Variants in C11orf65 observed in about 807,000 individuals in gnomAD.
C11orf65 encodes protein MFI.
A neutral mutation model predicts 35.3 loss-of-function variants in C11orf65; 38 were observed. That is an observed-to-expected ratio of 1.08 (90% CI 0.83 to 1.41). The LOEUF is 1.41. C11orf65 is among the 40% of genes most tolerant of loss of function. The pLI is 0.00. For missense variants in C11orf65, 370 were observed against 367.1 expected (o/e 1.01, Z -0.06); for synonymous variants, 105 against 114.4 (o/e 0.92, Z 0.53).
At chr11:108,395,856 C>T (rs1398651604) in intron 6 of C11orf65, among the ~76,000 whole-genome samples, 9 of 151,658 alleles carry the variant, frequency 5.9e-5, no homozygotes, top group African/African-American at 1.5e-4. Flanking sequence ...CTCCTGACCT[C>T]GTGATCTGCC....
chr11:108,421,675 C>A (rs1197759522), intron 3 of C11orf65, among the ~76,000 whole-genome samples: 2 of 152,058 alleles, frequency 1.3e-5, no homozygotes, highest in Non-Finnish European at 2.9e-5. Flanking sequence ...AAAACAAACA[C>A]ACACACTCAA....
rs747342599 is a variant in C11orf65 at position 108,461,624 on chromosome 11, TTTTA to T, written c.-9-60_-9-57del. On this transcript the variant is annotated intron_variant, in intron 1 of 8. Transcript: ENST00000393084. ...TAAAATAATTTTAATTTACTTTCAT[TTTTA>T]TTTATTTATTTTTTTTAGAGACACA... 6.7e-4 allele frequency: 769 copies of T among 1,149,148 alleles called. 1 individual carries two copies. The highest frequency in any genetic ancestry group is 8.4e-4 in the Non-Finnish European group (676 of 802,238). The allele number at this position is 1,149,148 out of a possible 1,614,324, so 71.2% of individuals were successfully genotyped here.
chr11:108,393,506 T>G (rs1003683448), intron 6 of C11orf65, 128 bp from the exon 7 acceptor site: 21 of 877,038 alleles, frequency 2.4e-5, no homozygotes, highest in East Asian at 1.6e-4. Flanking sequence ...TTTTCATTCC[T>G]ATATAACTCA....
chr11:108,415,944 A>T (rs1435853753), intron 3 of C11orf65, among the ~76,000 whole-genome samples: 1 of 152,224 alleles, frequency 6.6e-6, no homozygotes, highest in East Asian at 1.9e-4. Flanking sequence ...CTAGACAAAG[A>T]TCTTACACCT....
In C11orf65 at chr11:108,393,271, T is replaced by G. The variant is rs752835061; in HGVS notation, c.668A>C (p.Asp223Ala). 2 of 1,614,108 alleles carry G rather than the reference T, an allele frequency of 1.2e-6. No individual in the cohort carries two copies. Among genetic ancestry groups the G allele is most frequent in the South Asian group, 1.1e-5 (1 of 91,072 alleles). The change falls in exon 7 of 9, where the codon GAT (aspartate) becomes GCT (alanine). Residue 223 changes from aspartate to alanine, a missense_variant. Asp to Ala is a moderately radical substitution (Grantham distance 126). Transcript: ENST00000393084. ...LIRAFEDGGIDSVMEWEVDEV... is the reference protein window; with the variant it reads ...LIRAFEDGGIASVMEWEVDEV... The stretch of plus-strand genomic sequence containing the variant: ...ATCCACTTCCCATTCCATCACAGAA[T>G]CTATCCCCCCATCTTCAAAAGCTCT...
At chr11:108,408,750 A>G (rs1254928472) in intron 3 of C11orf65, among the ~76,000 whole-genome samples, 1 of 150,344 alleles carries the variant, frequency 6.7e-6, no homozygotes, top group Non-Finnish European at 1.5e-5. Context: ...AGAATTGTAT[A>G]TAATAGGTTT....
chr11:108,333,451 AATC>A (rs754042123), intron 3 of C11orf65, among the ~76,000 whole-genome samples: 6 of 152,206 alleles, frequency 3.9e-5, no homozygotes, highest in Non-Finnish European at 8.8e-5. Flanking sequence ...TTCTATTCAG[AATC>A]ATATCTTCAA....
rs1228279272 is a variant in C11orf65 at position 108,449,453 on chromosome 11, G to A, written c.81+12026C>T. Among the ~76,000 whole-genome samples, 21 of 151,996 alleles carry A rather than the reference G, an allele frequency of 1.4e-4. No individual in the cohort carries two copies. In the East Asian group the frequency reaches 3.3e-3, roughly 24 times the overall value. On this transcript the variant is annotated intron_variant, in intron 2 of 8. Coordinates refer to ENST00000393084, the MANE Select transcript of C11orf65 (RefSeq NM_152587.5). ...CAAAACAGAGATATAGATCAATGGA[G>A]CAGAACAGAGTCCTCAGAAATAATG...
At chr11:108,365,011 G>C (rs2091183476) in intron 2 of C11orf65, 1 of 1,548,694 alleles carries the variant, frequency 6.5e-7, no homozygotes, top group South Asian at 1.1e-5. Flanking sequence ...GTATGATACT[G>C]GTTCTACTGT....
In C11orf65 at chr11:108,417,459, C is replaced by T. The variant is rs146056248; in HGVS notation, c.175-10310G>A. Among the ~76,000 whole-genome samples, 444 of 151,948 alleles carry T rather than the reference C, an allele frequency of 2.9e-3. 1 individual carries two copies. The highest frequency in any genetic ancestry group is 9.9e-3 in the African/African-American group (411 of 41,416). Reference sequence around the variant, plus strand: ...CTGGGGAGGCTGGAGCACAAGAATGCTTGAACCCGGGAGGTGGAGGTTGCA... The same window carrying T: ...CTGGGGAGGCTGGAGCACAAGAATGTTTGAACCCGGGAGGTGGAGGTTGCA... On this transcript the variant is annotated intron_variant, in intron 3 of 8. Coordinates refer to ENST00000393084, the MANE Select transcript of C11orf65 (RefSeq NM_152587.5).
chr11:108,456,822 G>A (rs2093416016), intron 2 of C11orf65, among the ~76,000 whole-genome samples: 1 of 151,236 alleles, frequency 6.6e-6, no homozygotes, highest in African/African-American at 2.4e-5. Context: ...AGGAAAGAAA[G>A]AGAAAAAGTC....
intron 2 of C11orf65, among the ~76,000 whole-genome samples, chr11:108,359,647 C>T (rs2090466384): frequency 6.6e-6 from 1 of 152,170 alleles, no homozygotes; most frequent in South Asian, 2.1e-4. Flanking sequence ...GAATCTCACT[C>T]AAAACCGCTC....
intron 7 of C11orf65, among the ~76,000 whole-genome samples, chr11:108,391,528 G>A (rs560525038): frequency 8.1e-4 from 124 of 152,166 alleles, no homozygotes; most frequent in Non-Finnish European, 1.7e-3. Context: ...ACAGGTGCCC[G>A]CCACCAGGCC....
Position 108,365,102 on chromosome 11 carries a change from C to T in C11orf65, c.226+28106G>A, listed in dbSNP as rs1555151266. The T allele has an allele frequency of 6.2e-7, 1 of 1,614,180 alleles. No homozygotes were observed. Among genetic ancestry groups the T allele is most frequent in the Non-Finnish European group, 8.5e-7 (1 of 1,180,012 alleles). ...TTTAGGTCCTTCTATATGATCCACTCTTTGACTGGACCATGAATCCTTTGA... is the reference window on the plus strand; with the variant it reads ...TTTAGGTCCTTCTATATGATCCACTTTTTGACTGGACCATGAATCCTTTGA... On this transcript the variant is annotated intron_variant, in intron 2 of 3. Transcript: ENST00000524755.
At chr11:108,446,728 C>T (rs1221711655) in intron 2 of C11orf65, among the ~76,000 whole-genome samples, 8 of 152,220 alleles carry the variant, frequency 5.3e-5, no homozygotes, top group South Asian at 2.1e-4. Flanking sequence ...CATCAACTAA[C>T]GAGCAAAATA....
chr11:108,370,240 A>G (rs1219925635), intron 2 of C11orf65, among the ~76,000 whole-genome samples: 2 of 151,946 alleles, frequency 1.3e-5, no homozygotes. Flanking sequence ...CCTAATTATT[A>G]CTGTTAGAAT....
intron 6 of C11orf65, among the ~76,000 whole-genome samples, chr11:108,316,636 G>A (rs886849682): frequency 4.6e-5 from 7 of 151,672 alleles, no homozygotes; most frequent in African/African-American, 1.7e-4. Context: ...TTGGCCAGGC[G>A]TGGTGGCTTG....
intron 7 of C11orf65, among the ~76,000 whole-genome samples, chr11:108,386,361 A>G (rs2092001323): frequency 6.6e-6 from 1 of 152,198 alleles, no homozygotes; most frequent in African/African-American, 2.4e-5. Context: ...AACAACAAAA[A>G]CTTTCTCCTT....
intron 2 of C11orf65, chr11:108,366,695 A>G: frequency 4.3e-6 from 1 of 231,456 alleles, no homozygotes; most frequent in Non-Finnish European, 8.6e-6. Context: ...ATAAATACTG[A>G]TAGGAGATTT....
Sources: gnomAD v4.1 joint callset for allele counts (sites outside exome capture counted in the v4.1 genomes callset) on GRCh38, gnomAD v4.1.1 for gene constraint, MANE v1.5 for transcripts, NCBI Gene and HGNC (gene_info 2026-07-23, HGNC 2026-07-21) for gene names.